Variants in CX3CR1 observed in about 807,000 individuals in gnomAD.
The protein encoded by CX3CR1 is C-X3-C motif chemokine receptor 1.
For missense variants in CX3CR1, 363 were observed against 432.4 expected, an observed-to-expected ratio of 0.84 and a Z score of 1.42; for synonymous variants, 168 against 178.5, an observed-to-expected ratio of 0.94 and a Z score of 0.47.
rs2040689851 is a variant in CX3CR1, at chr3:39,265,909, G to A, written c.601C>T (p.Leu201=). The A allele has an allele frequency of 1.2e-6, 2 of 1,614,234 alleles. No individual in the cohort carries two copies. The highest frequency in any genetic ancestry group is 1.3e-5 in the African/African-American group (1 of 75,060). Residue 201 remains leucine (L), a synonymous_variant, in exon 2 of 2, where the codon CTA becomes TTA. Coordinates refer to ENST00000399220, the MANE Select transcript of CX3CR1 (RefSeq NM_001337.4). ...TAACTCATAATGAGCAGGGGGAGTA[G>A]GAAGCCAAGAAAATTTGTTTCCACA... The part of the protein sequence containing the change: ...RNVETNFLGF[L]LPLLIMSYCY...
At chr3:39,276,602 G>A (rs2040843581) in intron 1 of CX3CR1, among the ~76,000 whole-genome samples, 1 of 152,212 alleles carries the variant, frequency 6.6e-6, no homozygotes, top group South Asian at 2.1e-4. Context: ...ATTCCACTGT[G>A]TGACTAGTCC....
chr3:39,289,878 C>G, the CX3CR1 span, among the ~76,000 whole-genome samples: 9 of 152,284 alleles, frequency 5.9e-5, no homozygotes, highest in African/African-American at 1.9e-4. Flanking sequence ...CAGGAGAAAT[C>G]AAGCCTGCTG....
At chr3:39,266,788 A>AT (rs200620288) in intron 1 of CX3CR1, 9,601 of 474,274 alleles carry the variant, frequency 0.02, 1 homozygote, top group East Asian at 0.03. Context: ...GGCTCTAGGC[A>AT]TTTTTTTTTT....
chr3:39,280,969 A>G, upstream of CX3CR1: 1 of 455,286 alleles, frequency 2.2e-6, no homozygotes, highest in South Asian at 9.2e-5. Flanking sequence ...CCTTCATTAA[A>G]TGGTCTGTGA....
the CX3CR1 span, chr3:39,287,028 G>A: frequency 1.3e-5 from 2 of 152,180 alleles, no homozygotes; most frequent in Non-Finnish European, 2.9e-5. Flanking sequence ...CAGGGAAGCC[G>A]GGCTGGAGAG....
chr3:39,281,631 G>A, upstream of CX3CR1: 9 of 1,599,310 alleles, frequency 5.6e-6, no homozygotes, highest in Non-Finnish European at 7.6e-6. Flanking sequence ...TCTCCACCCA[G>A]AAGCCAGAGA....
upstream of CX3CR1, chr3:39,281,012 C>G: frequency 1.1e-6 from 1 of 914,440 alleles, no homozygotes; most frequent in Non-Finnish European, 1.3e-6. Context: ...CCTTGCTGCC[C>G]ACATCCCAGC....
chr3:39,290,946 A>C, the CX3CR1 span, among the ~76,000 whole-genome samples: 1,420 of 152,164 alleles, frequency 9.3e-3, 17 homozygotes, highest in African/African-American at 0.032. Flanking sequence ...ACAACAACAA[A>C]AAAATAACAG....
At chr3:39,280,328 C>A, upstream of CX3CR1, 3 of 985,444 alleles carry the variant, frequency 3.0e-6, no homozygotes, top group Non-Finnish European at 3.6e-6. Context: ...TAATGGGGAG[C>A]CTTCAGGAAG....
chr3:39,288,561 G>T, the CX3CR1 span, among the ~76,000 whole-genome samples: 9 of 152,204 alleles, frequency 5.9e-5, no homozygotes, highest in Middle Eastern at 3.2e-3. Flanking sequence ...AGCAGCAGGC[G>T]GAGCAGCCAA....
chr3:39,266,474 A>T lies in CX3CR1; in HGVS notation c.36T>A (p.Phe12Leu). The T allele has an allele frequency of 6.2e-7, 1 of 1,614,052 alleles. No individual in the cohort carries two copies. The highest frequency in any genetic ancestry group is 8.5e-7 in the Non-Finnish European group (1 of 1,179,888). Residue 12 changes from phenylalanine (F) to leucine (L), a missense_variant, in exon 2 of 2, where the codon TTT becomes TTA. Coordinates refer to ENST00000399220, the MANE Select transcript of CX3CR1 (RefSeq NM_001337.4). Reference sequence around the variant, plus strand: ...AGGCCTCAGCCAAATCATCGTACTCAAAGTTTTCTGTCACTGATTCAGGGA... The same window carrying T: ...AGGCCTCAGCCAAATCATCGTACTCTAAGTTTTCTGTCACTGATTCAGGGA... Reference protein sequence around the residue: ...DQFPESVTENFEYDDLAEACY... With the variant: ...DQFPESVTENLEYDDLAEACY...
chr3:39,269,302 C>G lies in CX3CR1; in HGVS notation c.-9-2784G>C, dbSNP rs145883535. 6.5e-3 allele frequency among the ~76,000 whole-genome samples: 989 copies of G among 152,188 alleles called. 3 individuals carry two copies. Among genetic ancestry groups the G allele is most frequent in the Non-Finnish European group, 0.01 (711 of 68,006 alleles). On this transcript the variant is annotated intron_variant, in intron 1 of 1. Coordinates refer to ENST00000399220, the MANE Select transcript of CX3CR1 (RefSeq NM_001337.4). ...TGCCTGGTGGAGTGGCAGAGGGGTC[C>G]CAAATCAGGCCCTTTGCCTTACTGG... is the stretch of plus-strand genomic sequence containing the variant.
Position 39,274,190 on chromosome 3 carries a change from G to C in CX3CR1, c.-10+5764C>G, listed in dbSNP as rs368172901. On this transcript the variant is annotated intron_variant, in intron 1 of 1. Transcript: ENST00000399220. Reference sequence around the variant, plus strand: ...CCATGCCCAGACCCCTGACTGTTTGGGAAGCCAAGTTTTACCAGGTCCTGA... The same window carrying C: ...CCATGCCCAGACCCCTGACTGTTTGCGAAGCCAAGTTTTACCAGGTCCTGA... Among the ~76,000 whole-genome samples, 8 of 152,156 alleles carry C rather than the reference G, an allele frequency of 5.3e-5. No individual in the cohort carries two copies. In the East Asian group the frequency reaches 1.5e-3, roughly 29 times the overall value.
At chr3:39,286,071 C>A (rs896401629), upstream of CX3CR1, 1 of 152,190 alleles carries the variant, frequency 6.6e-6, no homozygotes, top group Non-Finnish European at 1.5e-5. Flanking sequence ...AGCCAGCTGG[C>A]CAGGGTATAA....
At chr3:39,285,211 A>AG (rs2040935948), upstream of CX3CR1, among the ~76,000 whole-genome samples, 1 of 65,420 alleles carries the variant, frequency 1.5e-5, no homozygotes, top group African/African-American at 4.4e-5. Flanking sequence ...TCATTGGTAC[A>AG]GAAAAAAAAA....
chr3:39,265,306 C>T lies in CX3CR1; in HGVS notation c.*136G>A. The T allele has an allele frequency of 1.2e-6, 1 of 859,504 alleles. No individual in the cohort carries two copies. The allele number at this position is 859,504 out of a possible 1,614,324, so 53.2% of individuals were successfully genotyped here. A position where few individuals can be genotyped will look rare whatever the true frequency, so the allele number is the denominator to read the frequency against. ...ATTTTGAGCACAATTCTCAACAACA[C>T]TCTAGGGTTGTTTTGTGTGCATTGG... On this transcript the variant is annotated 3_prime_UTR_variant, in exon 2 of 2. Transcript: ENST00000399220.
chr3:39,283,021 A>G (rs2040917303), upstream of CX3CR1, among the ~76,000 whole-genome samples: 3 of 152,100 alleles, frequency 2.0e-5, no homozygotes, highest in South Asian at 6.2e-4. Flanking sequence ...CCTCCCAAGT[A>G]GCTGGAACTA....
At chr3:39,281,469 T>C, upstream of CX3CR1, 1 of 824,190 alleles carries the variant, frequency 1.2e-6, no homozygotes, top group Non-Finnish European at 1.9e-6. Context: ...TCCCACACTC[T>C]TGACGACAGT....
chr3:39,289,365 T>C, the CX3CR1 span, among the ~76,000 whole-genome samples: 3 of 152,118 alleles, frequency 2.0e-5, no homozygotes, highest in African/African-American at 7.2e-5. Context: ...GACCAAGTTG[T>C]ACAAAGGGTC....
Sources: allele counts gnomAD v4.1 joint callset (sites outside exome capture counted in the v4.1 genomes callset), GRCh38; gene constraint gnomAD v4.1.1; transcripts MANE v1.5; gene names NCBI Gene and HGNC (gene_info 2026-07-23, HGNC 2026-07-21).